Variants in AGTPBP1 observed in about 807,000 individuals in gnomAD.
The protein encoded by AGTPBP1 is cytosolic carboxypeptidase 1.
In AGTPBP1, 70 loss-of-function variants were observed where a neutral mutation model predicts 143.9. That is an observed-to-expected ratio of 0.49 (90% confidence interval 0.40 to 0.59). The LOEUF is 0.59. Ranked by LOEUF, AGTPBP1 falls within the 20% of genes least tolerant of loss-of-function variation. The pLI, the probability that AGTPBP1 is intolerant of heterozygous loss-of-function variation, is 0.00. For missense variants in AGTPBP1, 1,229 were observed against 1,464.5 expected, an observed-to-expected ratio of 0.84 and a Z score of 2.62; for synonymous variants, 463 against 500.2, an observed-to-expected ratio of 0.93 and a Z score of 0.99.
Position 85,643,130 on chromosome 9 carries a change from G to T in AGTPBP1, c.1186-187C>A, listed in dbSNP as rs760873191. 315 of 541,280 alleles carry T rather than the reference G, an allele frequency of 5.8e-4. 2 individuals carry two copies. Among genetic ancestry groups the T allele is most frequent in the Non-Finnish European group, 4.5e-4 (139 of 310,230 alleles). 33.5% of individuals were successfully genotyped at this position (541,280 alleles called of 1,614,324 possible). ...ATTGTTTTGGGGTTGTTGTGTTATT[G>T]TTGGGTAGTTTTGTTTTGTTTTTGT... On this transcript the variant is annotated intron_variant, in intron 12 of 25. Coordinates refer to ENST00000357081, the MANE Select transcript of AGTPBP1 (RefSeq NM_001330701.2).
At chr9:85,654,632 C>G (rs1355014728) in intron 11 of AGTPBP1, among the ~76,000 whole-genome samples, 1 of 152,070 alleles carries the variant, frequency 6.6e-6, no homozygotes, top group Non-Finnish European at 1.5e-5. Context: ...CACTTGAGGT[C>G]AGGAGTTTGA....
chr9:85,652,184 A>C (rs1833203784), intron 11 of AGTPBP1, among the ~76,000 whole-genome samples: 1 of 152,164 alleles, frequency 6.6e-6, no homozygotes, highest in East Asian at 1.9e-4. Context: ...ACATAATGGA[A>C]CCTCCATAAA....
chr9:85,695,605 G>A (rs894598616), intron 2 of AGTPBP1, among the ~76,000 whole-genome samples: 4 of 152,162 alleles, frequency 2.6e-5, no homozygotes, highest in South Asian at 2.1e-4. Flanking sequence ...AGTTTAAAGA[G>A]AATGCCAGTT....
intron 11 of AGTPBP1, among the ~76,000 whole-genome samples, chr9:85,650,579 T>C (rs1320840911): frequency 1.3e-5 from 2 of 152,236 alleles, no homozygotes; most frequent in East Asian, 3.8e-4. Flanking sequence ...CTAGTAGTTA[T>C]GTTTTGGAGG....
At chr9:85,596,239 G>T in intron 18 of AGTPBP1, 123 bp downstream of exon 18, 1 of 653,390 alleles carries the variant, frequency 1.5e-6, no homozygotes, top group Non-Finnish European at 2.5e-6. Flanking sequence ...AATTACTAAA[G>T]CATAGCACCA....
chr9:85,576,406 C>G (rs552916001), intron 24 of AGTPBP1, among the ~76,000 whole-genome samples: 6 of 152,122 alleles, frequency 3.9e-5, no homozygotes, highest in Non-Finnish European at 7.4e-5. Context: ...GTTACTTACT[C>G]TACATGAAGC....
intron 11 of AGTPBP1, among the ~76,000 whole-genome samples, chr9:85,648,467 A>T (rs1832950506): frequency 1.3e-5 from 2 of 152,204 alleles, no homozygotes; most frequent in South Asian, 4.1e-4. Flanking sequence ...TAAACAAGGG[A>T]AGAACTGACA....
intron 14 of AGTPBP1, among the ~76,000 whole-genome samples, chr9:85,624,456 A>G (rs1416254172): frequency 1.3e-5 from 2 of 152,208 alleles, no homozygotes; most frequent in Non-Finnish European, 2.9e-5. Context: ...ATATGCATAT[A>G]TACACTGCAT....
the AGTPBP1 span, among the ~76,000 whole-genome samples, chr9:85,782,339 AC>A: frequency 6.6e-6 from 1 of 152,130 alleles, no homozygotes; most frequent in South Asian, 2.1e-4. Context: ...ACATGGTGAA[AC>A]CCCGTCTCTA....
intron 25 of AGTPBP1, among the ~76,000 whole-genome samples, chr9:85,555,550 G>C (rs1826284536): frequency 6.6e-6 from 1 of 152,206 alleles, no homozygotes. Flanking sequence ...AGTGAGCCGA[G>C]ATCGTGCCAC....
chr9:85,566,236 G>A (rs1281260757), intron 25 of AGTPBP1, among the ~76,000 whole-genome samples: 2 of 152,172 alleles, frequency 1.3e-5, no homozygotes, highest in Admixed American at 1.3e-4. Flanking sequence ...AGTTGGTATT[G>A]AAGCCAGGCA....
intron 25 of AGTPBP1, among the ~76,000 whole-genome samples, chr9:85,569,126 T>A (rs931924098): frequency 1.3e-5 from 2 of 152,140 alleles, no homozygotes; most frequent in African/African-American, 4.8e-5. Flanking sequence ...ACACCACCCC[T>A]GTTTCCCCCC....
At position 85,699,245 on chromosome 9, in the gene AGTPBP1, A is replaced by G. The variant is rs554134417; in HGVS notation, c.33-6432T>C. ...GCGATCCTCCCACGTGAGTCTCCCA[A>G]AAAGTTGAAACCATAGGCACATGCC... On this transcript the variant is annotated intron_variant, in intron 2 of 25. Coordinates refer to ENST00000357081, the MANE Select transcript of AGTPBP1 (RefSeq NM_001330701.2). 3.3e-5 allele frequency among the ~76,000 whole-genome samples: 5 copies of G among 152,316 alleles called. No individual in the cohort carries two copies. The East Asian group carries it at 7.7e-4, about 24-fold the overall frequency.
intron 24 of AGTPBP1, among the ~76,000 whole-genome samples, chr9:85,577,243 C>T (rs890050888): frequency 1.3e-5 from 2 of 152,178 alleles, no homozygotes; most frequent in African/African-American, 4.8e-5. Flanking sequence ...CCCCACTGCC[C>T]AGAAGCTAGT....
At chr9:85,692,080 TATTCTATGCTACTTGATATC>T (rs1485954404) in intron 3 of AGTPBP1, among the ~76,000 whole-genome samples, 8 of 152,074 alleles carry the variant, frequency 5.3e-5, no homozygotes, top group Non-Finnish European at 1.2e-4. Flanking sequence ...TAATAACCAA[TATTCTATGCTACTTGATATC>T]TTTTTGCCAA....
chr9:85,780,165 T>C, the AGTPBP1 span, among the ~76,000 whole-genome samples: 1 of 151,662 alleles, frequency 6.6e-6, no homozygotes, highest in Non-Finnish European at 1.5e-5. Context: ...GGAGAGTAGG[T>C]CTGAAATTAT....
At chr9:85,580,534 A>G (rs1366050653) in intron 23 of AGTPBP1, among the ~76,000 whole-genome samples, 3 of 152,172 alleles carry the variant, frequency 2.0e-5, no homozygotes, top group Non-Finnish European at 4.4e-5. Flanking sequence ...AAAGACACAG[A>G]TCATAATTGA....
intron 1 of AGTPBP1, among the ~76,000 whole-genome samples, chr9:85,734,635 G>C (rs1251968508): frequency 6.6e-6 from 1 of 152,222 alleles, no homozygotes; most frequent in Non-Finnish European, 1.5e-5. Flanking sequence ...GCATAGATTA[G>C]AATCTTTGTG....
the AGTPBP1 span, among the ~76,000 whole-genome samples, chr9:85,757,563 G>A: frequency 1.3e-5 from 2 of 152,082 alleles, no homozygotes; most frequent in Admixed American, 6.6e-5. Context: ...ATGCTGCATT[G>A]CAAGTACCTA....
Sources: allele counts gnomAD v4.1 joint callset (sites outside exome capture counted in the v4.1 genomes callset), GRCh38; gene constraint gnomAD v4.1.1; transcripts MANE v1.5; gene names NCBI Gene and HGNC (gene_info 2026-07-23, HGNC 2026-07-21).